Variants in UQCRB observed in about 807,000 individuals in gnomAD.
UQCRB encodes cytochrome b-c1 complex subunit 7.
Under a neutral mutation model 19.8 loss-of-function variants are expected in UQCRB, and 12 were observed. The ratio of observed to expected loss-of-function variants is 0.61; its 90% CI spans 0.39 to 0.98. The LOEUF (loss-of-function observed/expected upper bound fraction) is 0.98. Ranked by LOEUF, UQCRB falls within the 50% of genes least tolerant of loss-of-function variation. The probability of loss-of-function intolerance (pLI) is 0.00; values close to 1 mark genes in which losing one functional copy is unlikely to be tolerated. For synonymous variants in UQCRB, 39 were observed against 42.9 expected (o/e 0.91, Z 0.35); for missense variants, 142 against 131.8 (o/e 1.08, Z -0.38).
chr8:96,224,128 C>G lies in UQCRB; in HGVS notation c.*6927G>C, dbSNP rs886185660. Among the ~76,000 whole-genome samples the G allele has an allele frequency of 1.3e-5, 2 of 152,196 alleles. No individual in the cohort carries two copies. Among genetic ancestry groups the G allele is most frequent in the East Asian group, 3.9e-4 (2 of 5,192 alleles). ...AAGGGCAGCCCAGTTCTGTGTGAGT[C>G]AGAGTCCTGGCAGGAAAGTGTGGCA... On this transcript the variant is annotated 3_prime_UTR_variant, in exon 4 of 4. Coordinates refer to ENST00000287022, the MANE Select transcript of UQCRB (RefSeq NM_006294.5).
Position 96,230,042 on chromosome 8 carries a change from A to G in UQCRB, c.*1013T>C, listed in dbSNP as rs1186018971. The G allele has an allele frequency of 1.1e-5, 5 of 454,078 alleles. 1 individual carries two copies. The highest frequency in any genetic ancestry group is 4.7e-5 in the South Asian group (3 of 64,478). The allele number at this position is 454,078 out of a possible 1,614,324, so 28.1% of individuals were successfully genotyped here. The stretch of plus-strand genomic sequence containing the variant: ...CACTCTCACCTCTACCAAAGAAAGC[A>G]TTTCAGAATTTAGGAGTGGAAATGA... On this transcript the variant is annotated 3_prime_UTR_variant, in exon 4 of 4. Coordinates refer to ENST00000287022, the MANE Select transcript of UQCRB (RefSeq NM_006294.5).
rs28521094 is a variant in UQCRB, at chr8:96,230,232, C to T, written c.*823G>A. 0.079 allele frequency: 34,177 copies of T among 433,122 alleles called. 1,574 individuals carry two copies. The highest frequency in any genetic ancestry group is 0.12 in the African/African-American group (5,942 of 49,096). The allele number at this position is 433,122 out of a possible 1,614,324, so 26.8% of individuals were successfully genotyped here. A position where few individuals can be genotyped will look rare whatever the true frequency, so the allele number is the denominator to read the frequency against. Reference sequence around the variant, plus strand: ...CTGGGATTACAGGTGCCTACCATCACGCCTAGCTAATTTTTTGTATTTTTA... The same window carrying T: ...CTGGGATTACAGGTGCCTACCATCATGCCTAGCTAATTTTTTGTATTTTTA... On this transcript the variant is annotated 3_prime_UTR_variant, in exon 4 of 4. Transcript: ENST00000287022.
At chr8:96,235,441 C>A (rs1284895319) in intron 1 of UQCRB, 71 bp downstream of exon 1, 4 of 1,609,284 alleles carry the variant, frequency 2.5e-6, no homozygotes, top group Admixed American at 1.7e-5. Flanking sequence ...AGAGAGAAAA[C>A]GGAGCAAGCT....
rs1038285179 is a variant in UQCRB, at chr8:96,229,383, C to G, written c.*1672G>C. 1 of 453,882 alleles carries G rather than the reference C, an allele frequency of 2.2e-6. No individual in the cohort carries two copies. Among genetic ancestry groups the G allele is most frequent in the African/African-American group, 2.0e-5 (1 of 49,948 alleles). 28.1% of individuals were successfully genotyped at this position (453,882 alleles called of 1,614,324 possible). On this transcript the variant is annotated 3_prime_UTR_variant, in exon 4 of 4. Coordinates refer to ENST00000287022, the MANE Select transcript of UQCRB (RefSeq NM_006294.5). Reference sequence around the variant, plus strand: ...TAAGCATGGTTTCTAGGGTCAGAGCCCAGCCTCCCTCCACCCACCCGGCTC... The same window carrying G: ...TAAGCATGGTTTCTAGGGTCAGAGCGCAGCCTCCCTCCACCCACCCGGCTC...
rs1809491762 is a variant in UQCRB, at chr8:96,224,267, G to C, written c.*6788C>G. On this transcript the variant is annotated 3_prime_UTR_variant, in exon 4 of 4. Transcript: ENST00000287022. ...TAGCAGAGTGGGGAGGGATGGAAGG[G>C]AGAGCTGTAGGAATCTTGAGAGGGG... Among the ~76,000 whole-genome samples, 1 of 152,150 alleles carries C rather than the reference G, an allele frequency of 6.6e-6. No individual in the cohort carries two copies. Among genetic ancestry groups the C allele is most frequent in the Non-Finnish European group, 1.5e-5 (1 of 68,038 alleles).
chr8:96,223,143 A>G lies in UQCRB; in HGVS notation c.*7912T>C, dbSNP rs1809473916. 2.0e-5 allele frequency among the ~76,000 whole-genome samples: 3 copies of G among 151,316 alleles called. No individual in the cohort carries two copies. Among genetic ancestry groups the G allele is most frequent in the African/African-American group, 7.3e-5 (3 of 41,082 alleles). ...CATGGTGACTATAATTATATTGTAC[A>G]CTAAAAATTTGCTGAAAGTGTAGAT... On this transcript the variant is annotated 3_prime_UTR_variant, in exon 4 of 4. Transcript: ENST00000287022.
intron 1 of UQCRB, 127 bp from the exon 2 acceptor site, chr8:96,233,354 A>T (rs1809721161): frequency 1.3e-6 from 1 of 798,674 alleles, no homozygotes; most frequent in South Asian, 1.5e-5. Context: ...TCCTTTTAAA[A>T]GTATATAGTA....
intron 1 of UQCRB, chr8:96,233,948 T>TTTA (rs1809737692): frequency 6.5e-6 from 1 of 152,680 alleles, no homozygotes; most frequent in Non-Finnish European, 1.5e-5. Context: ...AAATAGGTAA[T>TTTA]TTTAAAACTG....
rs1263333893 is a variant in UQCRB, at chr8:96,230,002, C to T, written c.*1053G>A. The T allele has an allele frequency of 2.2e-6, 1 of 454,154 alleles. No individual in the cohort carries two copies. The highest frequency in any genetic ancestry group is 1.6e-5 in the South Asian group (1 of 64,480). 28.1% of individuals were successfully genotyped at this position (454,154 alleles called of 1,614,324 possible). On this transcript the variant is annotated 3_prime_UTR_variant, in exon 4 of 4. Transcript: ENST00000287022. Reference sequence around the variant, plus strand: ...TGCAGGTCCTACTGTTCCTTCTCTACTAGCTGTGGCTCCACACTCTCACCT... The same window carrying T: ...TGCAGGTCCTACTGTTCCTTCTCTATTAGCTGTGGCTCCACACTCTCACCT...
In UQCRB at chr8:96,227,483, C is replaced by T. The variant is rs895698021; in HGVS notation, c.*3572G>A. ...CCTTGTTTTCCAAAGAGCAACCTGTCTTACTCACTTTCTAACCATCCCTCT... is the reference window on the plus strand; with the variant it reads ...CCTTGTTTTCCAAAGAGCAACCTGTTTTACTCACTTTCTAACCATCCCTCT... On this transcript the variant is annotated 3_prime_UTR_variant, in exon 4 of 4. Transcript: ENST00000287022. 1 of 454,144 alleles carries T rather than the reference C, an allele frequency of 2.2e-6. No individual in the cohort carries two copies. The allele number at this position is 454,144 out of a possible 1,614,324, so 28.1% of individuals were successfully genotyped here. A position where few individuals can be genotyped will look rare whatever the true frequency, so the allele number is the denominator to read the frequency against.
chr8:96,235,327 G>A, intron 1 of UQCRB, 185 bp downstream of exon 1: 2 of 886,400 alleles, frequency 2.3e-6, no homozygotes, highest in Non-Finnish European at 3.6e-6. Context: ...CCCTATACAG[G>A]CAAGCCCGCC....
rs1051204626 is a variant in UQCRB at position 96,228,305 on chromosome 8, A to G, written c.*2750T>C. Reference sequence around the variant, plus strand: ...AAACTGTACAAAGCAAATTAGCAGGATTTGAATATTGGCAGTTTTAAAATG... The same window carrying G: ...AAACTGTACAAAGCAAATTAGCAGGGTTTGAATATTGGCAGTTTTAAAATG... On this transcript the variant is annotated 3_prime_UTR_variant, in exon 4 of 4. Transcript: ENST00000287022. The G allele has an allele frequency of 1.5e-5, 7 of 454,056 alleles. No individual in the cohort carries two copies. Among genetic ancestry groups the G allele is most frequent in the Non-Finnish European group, 3.1e-5 (7 of 226,800 alleles). The allele number at this position is 454,056 out of a possible 1,614,324, so 28.1% of individuals were successfully genotyped here. A position where few individuals can be genotyped will look rare whatever the true frequency, so the allele number is the denominator to read the frequency against.
Position 96,230,599 on chromosome 8 carries a change from T to C in UQCRB, c.*456A>G, listed in dbSNP as rs1278888051. 2.4e-5 allele frequency: 11 copies of C among 454,986 alleles called. No individual in the cohort carries two copies. Among genetic ancestry groups the C allele is most frequent in the South Asian group, 1.2e-4 (8 of 64,498 alleles). The allele number at this position is 454,986 out of a possible 1,614,324, so 28.2% of individuals were successfully genotyped here. ...TATGTATATTACTTAAGTATGCCTA[T>C]GTTGGGGTGCAGACATAATTTCTTT... is the stretch of plus-strand genomic sequence containing the variant. On this transcript the variant is annotated 3_prime_UTR_variant, in exon 4 of 4. Coordinates refer to ENST00000287022, the MANE Select transcript of UQCRB (RefSeq NM_006294.5).
intron 1 of UQCRB, chr8:96,234,580 C>T (rs1167992489): frequency 1.1e-5 from 13 of 1,140,736 alleles, no homozygotes; most frequent in Non-Finnish European, 1.5e-5. Flanking sequence ...CTCCCCCACC[C>T]CCAAAAAGCT....
rs1467966627 is a variant in UQCRB at position 96,224,348 on chromosome 8, T to C, written c.*6707A>G. ...AGGAACGTGGGCTGGGGAATAAATATCTCTGTCTCTCTCATCTGCCCTCTC... is the reference window on the plus strand; with the variant it reads ...AGGAACGTGGGCTGGGGAATAAATACCTCTGTCTCTCTCATCTGCCCTCTC... On this transcript the variant is annotated 3_prime_UTR_variant, in exon 4 of 4. Coordinates refer to ENST00000287022, the MANE Select transcript of UQCRB (RefSeq NM_006294.5). 6.6e-6 allele frequency among the ~76,000 whole-genome samples: 1 copy of C among 152,128 alleles called. No individual in the cohort carries two copies. The highest frequency in any genetic ancestry group is 1.5e-5 in the Non-Finnish European group (1 of 68,010).
At position 96,225,390 on chromosome 8, in the gene UQCRB, C is replaced by G. The variant is rs1461290882; in HGVS notation, c.*5665G>C. 1.3e-5 allele frequency among the ~76,000 whole-genome samples: 2 copies of G among 152,184 alleles called. No homozygotes were observed. The highest frequency in any genetic ancestry group is 2.9e-5 in the Non-Finnish European group (2 of 68,032). On this transcript the variant is annotated 3_prime_UTR_variant, in exon 4 of 4. Transcript: ENST00000287022. Reference sequence around the variant, plus strand: ...TAAATTATTATAAACTTTTGAAAAGCAAATTGGAAGTCCAGTATTGAAAAA... The same window carrying G: ...TAAATTATTATAAACTTTTGAAAAGGAAATTGGAAGTCCAGTATTGAAAAA...
Position 96,229,022 on chromosome 8 carries a change from C to T in UQCRB, c.*2033G>A, listed in dbSNP as rs949678120. ...ATTCTCACCCATTCACCTGTGTGAG[C>T]CAAATACTAGATCTACTTTCTTAGT... is the stretch of plus-strand genomic sequence containing the variant. On this transcript the variant is annotated 3_prime_UTR_variant, in exon 4 of 4. Coordinates refer to ENST00000287022, the MANE Select transcript of UQCRB (RefSeq NM_006294.5). 2.2e-6 allele frequency: 1 copy of T among 453,964 alleles called. No homozygotes were observed. The highest frequency in any genetic ancestry group is 2.0e-5 in the African/African-American group (1 of 49,986). The allele number at this position is 453,964 out of a possible 1,614,324, so 28.1% of individuals were successfully genotyped here. A position where few individuals can be genotyped will look rare whatever the true frequency, so the allele number is the denominator to read the frequency against.
Position 96,229,268 on chromosome 8 carries a change from T to G in UQCRB, c.*1787A>C, listed in dbSNP as rs1809601793. On this transcript the variant is annotated 3_prime_UTR_variant, in exon 4 of 4. Transcript: ENST00000287022. Reference sequence around the variant, plus strand: ...TTGAGCAGGTGGATAGCCTGGGGGTTCCTGTTATACCTCAGTCTTGGTCAG... The same window carrying G: ...TTGAGCAGGTGGATAGCCTGGGGGTGCCTGTTATACCTCAGTCTTGGTCAG... The G allele has an allele frequency of 4.4e-6, 2 of 454,024 alleles. No individual in the cohort carries two copies. Among genetic ancestry groups the G allele is most frequent in the Non-Finnish European group, 4.4e-6 (1 of 226,800 alleles). The allele number at this position is 454,024 out of a possible 1,614,324, so 28.1% of individuals were successfully genotyped here.
rs1563538723 is a variant in UQCRB, at chr8:96,233,136, T to TA, written c.91+19dup. The TA allele has an allele frequency of 2.5e-6, 4 of 1,608,836 alleles. No individual in the cohort carries two copies. Among genetic ancestry groups the TA allele is most frequent in the Non-Finnish European group, 3.4e-6 (4 of 1,177,768 alleles). ...AAACAACAACAACAACAAAAAACATTAAACAGCACAGCTGCTTACCCAGTT... is the reference window on the plus strand; with the variant it reads ...AAACAACAACAACAACAAAAAACATTAAAACAGCACAGCTGCTTACCCAGTT... On this transcript the variant is annotated intron_variant, in intron 2 of 3. Coordinates refer to ENST00000287022, the MANE Select transcript of UQCRB (RefSeq NM_006294.5).
Sources: allele counts gnomAD v4.1 joint callset (sites outside exome capture counted in the v4.1 genomes callset), GRCh38; gene constraint gnomAD v4.1.1; transcripts MANE v1.5; gene names NCBI Gene and HGNC (gene_info 2026-07-23, HGNC 2026-07-21).